Variants in EXOC6B observed in about 807,000 individuals in gnomAD.
The protein encoded by EXOC6B is SEC15 homolog B.
A neutral mutation model predicts 113.5 loss-of-function variants in EXOC6B; 54 were observed. That is an observed-to-expected ratio of 0.48 (90% CI 0.38 to 0.60). The LOEUF (loss-of-function observed/expected upper bound fraction) is 0.60. Among genes scored for constraint, EXOC6B ranks in the 20% least tolerant of loss-of-function variants. The pLI is 0.00. For synonymous variants in EXOC6B, 357 were observed against 339.0 expected (o/e 1.05, Z -0.58); for missense variants, 797 against 977.5 (o/e 0.82, Z 2.46).
chr2:72,239,515 C>A (rs571762114), intron 20 of EXOC6B, among the ~76,000 whole-genome samples: 1 of 152,186 alleles, frequency 6.6e-6, no homozygotes, highest in Non-Finnish European at 1.5e-5. Flanking sequence ...TCCTCAACTT[C>A]AACTCTATTC....
intron 19 of EXOC6B, among the ~76,000 whole-genome samples, chr2:72,377,071 T>C (rs1691406833): frequency 6.6e-6 from 1 of 152,274 alleles, no homozygotes; most frequent in Admixed American, 6.5e-5. Context: ...AAAGAAGATA[T>C]GCATATGGCC....
intron 6 of EXOC6B, among the ~76,000 whole-genome samples, chr2:72,707,344 T>A (rs923197620): frequency 1.3e-5 from 2 of 152,166 alleles, no homozygotes; most frequent in African/African-American, 2.4e-5. Context: ...ACATTTTATC[T>A]TTATTTCTTC....
chr2:72,346,870 T>C (rs1689367643), intron 19 of EXOC6B, among the ~76,000 whole-genome samples: 1 of 152,154 alleles, frequency 6.6e-6, no homozygotes, highest in South Asian at 2.1e-4. Flanking sequence ...AAAGATGTTC[T>C]ACGATTTCAA....
chr2:72,279,459 A>G (rs909006888), intron 20 of EXOC6B, among the ~76,000 whole-genome samples: 1 of 152,226 alleles, frequency 6.6e-6, no homozygotes, highest in Admixed American at 6.5e-5. Context: ...CCCAAATATT[A>G]AAGAGTAGCT....
At chr2:72,773,260 G>A (rs1325433308) in intron 1 of EXOC6B, among the ~76,000 whole-genome samples, 2 of 150,080 alleles carry the variant, frequency 1.3e-5, no homozygotes, top group Non-Finnish European at 1.5e-5. Flanking sequence ...TCAAGTAGCT[G>A]GGACCACAAG....
At chr2:72,597,246 G>A (rs1018684258) in intron 6 of EXOC6B, among the ~76,000 whole-genome samples, 1 of 151,160 alleles carries the variant, frequency 6.6e-6, no homozygotes, top group African/African-American at 2.4e-5. Context: ...AATGGATTAG[G>A]TTATTATAGT....
intron 20 of EXOC6B, among the ~76,000 whole-genome samples, chr2:72,212,898 C>T (rs1338711165): frequency 6.6e-6 from 1 of 152,172 alleles, no homozygotes; most frequent in African/African-American, 2.4e-5. Context: ...CAGTAACTCC[C>T]ATCCCATGTG....
At chr2:72,296,936 A>AAT (rs1040151348) in intron 20 of EXOC6B, among the ~76,000 whole-genome samples, 8 of 152,176 alleles carry the variant, frequency 5.3e-5, no homozygotes, top group Non-Finnish European at 1.0e-4. Context: ...TAATTTTCTA[A>AAT]ATGAGATTTT....
At chr2:72,233,147 C>T (rs1193561291) in intron 20 of EXOC6B, among the ~76,000 whole-genome samples, 1 of 151,878 alleles carries the variant, frequency 6.6e-6, no homozygotes, top group African/African-American at 2.4e-5. Context: ...CTATGAGGAC[C>T]AAAAATCTCA....
chr2:72,514,913 A>C, intron 9 of EXOC6B, 130 bp downstream of exon 9: 1 of 862,736 alleles, frequency 1.2e-6, no homozygotes, highest in Non-Finnish European at 1.8e-6. Flanking sequence ...AGTCACATCC[A>C]CCAAAAGTGG....
chr2:72,337,915 G>C (rs1177423063), intron 19 of EXOC6B, among the ~76,000 whole-genome samples: 3 of 152,114 alleles, frequency 2.0e-5, no homozygotes, highest in Admixed American at 2.0e-4. Flanking sequence ...TTGTGTTTTA[G>C]TTAAATAAGT....
intron 8 of EXOC6B, among the ~76,000 whole-genome samples, chr2:72,536,411 T>C (rs755319948): frequency 3.3e-5 from 5 of 152,212 alleles, no homozygotes; most frequent in African/African-American, 4.8e-5. Context: ...TATTTGAATA[T>C]TGTTTGTTAT....
At chr2:72,787,493 C>A (rs766156892) in intron 1 of EXOC6B, among the ~76,000 whole-genome samples, 8 of 152,068 alleles carry the variant, frequency 5.3e-5, no homozygotes, top group Non-Finnish European at 7.4e-5. Flanking sequence ...AGCCACAGTG[C>A]CCGGCCTCAG....
chr2:72,297,624 C>T (rs904096870), intron 20 of EXOC6B, among the ~76,000 whole-genome samples: 4 of 152,184 alleles, frequency 2.6e-5, no homozygotes, highest in Non-Finnish European at 5.9e-5. Context: ...ATCTTTCCTG[C>T]TTTCTCTTGT....
At chr2:72,540,002 G>C (rs1212844247) in intron 8 of EXOC6B, among the ~76,000 whole-genome samples, 2 of 131,192 alleles carry the variant, frequency 1.5e-5, no homozygotes, top group East Asian at 4.5e-4. Flanking sequence ...CTGTGTCCAC[G>C]TGTTCTCATT....
At chr2:72,440,819 T>A (rs1401458847) in intron 18 of EXOC6B, among the ~76,000 whole-genome samples, 1 of 151,678 alleles carries the variant, frequency 6.6e-6, no homozygotes, top group Non-Finnish European at 1.5e-5. Context: ...AGGCTCAAAA[T>A]AAAGGGATGG....
At position 72,527,709 on chromosome 2, in the gene EXOC6B, G is replaced by A. The variant is rs79257460; in HGVS notation, c.916-12583C>T. 7.9e-3 allele frequency among the ~76,000 whole-genome samples: 1,199 copies of A among 151,998 alleles called. 13 individuals carry two copies. The highest frequency in any genetic ancestry group is 0.028 in the African/African-American group (1,142 of 41,496). On this transcript the variant is annotated intron_variant, in intron 8 of 21. Transcript: ENST00000272427. ...TTTATATTCTTACCAGCAACCTCAC[G>A]AGCATTTGATGTCACTATTCTTATA...
intron 1 of EXOC6B, among the ~76,000 whole-genome samples, chr2:72,766,425 A>G (rs994711212): frequency 2.6e-5 from 4 of 152,214 alleles, no homozygotes; most frequent in Admixed American, 2.6e-4. Context: ...CACATGACTA[A>G]AAATCAAGAT....
chr2:72,695,565 T>A (rs954815995), intron 6 of EXOC6B, among the ~76,000 whole-genome samples: 2 of 151,974 alleles, frequency 1.3e-5, no homozygotes, highest in African/African-American at 4.8e-5. Context: ...AGATGAAGTG[T>A]CTCCATAAGT....
Sources: gnomAD v4.1 joint callset for allele counts (sites outside exome capture counted in the v4.1 genomes callset) on GRCh38, gnomAD v4.1.1 for gene constraint, MANE v1.5 for transcripts, NCBI Gene and HGNC (gene_info 2026-07-23, HGNC 2026-07-21) for gene names.